The following CDH2 variants were observed in gnomAD, a reference collection of about 807,000 sequenced individuals.
CDH2 encodes cadherin-2.
Under a neutral mutation model 92.0 loss-of-function variants are expected in CDH2, and 17 were observed. The ratio of observed to expected loss-of-function variants is 0.18; its 90% CI spans 0.13 to 0.28. CDH2 has a LOEUF of 0.28. Ranked by LOEUF, CDH2 falls within the 10% of genes least tolerant of loss-of-function variation. CDH2 has a pLI of 1.00. For synonymous variants in CDH2, 419 were observed against 415.9 expected (o/e 1.01, Z -0.09); for missense variants, 862 against 1,133.1 (o/e 0.76, Z 3.44).
chr18:28,069,632 G>A (rs2144164217), intron 2 of CDH2, among the ~76,000 whole-genome samples: 2 of 152,166 alleles, frequency 1.3e-5, no homozygotes, highest in South Asian at 4.2e-4. Flanking sequence ...TATATTATCA[G>A]GATGCAGTCC....
At chr18:28,003,739 T>C (rs2012836290) in intron 6 of CDH2, among the ~76,000 whole-genome samples, 2 of 152,224 alleles carry the variant, frequency 1.3e-5, no homozygotes, top group Non-Finnish European at 2.9e-5. Flanking sequence ...TCGTGGTTCA[T>C]TATTTCCTCA....
chr18:28,042,846 C>T (rs911380448), intron 2 of CDH2, among the ~76,000 whole-genome samples: 1 of 152,026 alleles, frequency 6.6e-6, no homozygotes, highest in Non-Finnish European at 1.5e-5. Flanking sequence ...GGAAACTAGG[C>T]CTCATACAGG....
chr18:28,149,892 AAG>A (rs1205059753), intron 1 of CDH2, among the ~76,000 whole-genome samples: 21 of 152,338 alleles, frequency 1.4e-4, no homozygotes, highest in Admixed American at 1.3e-3. Context: ...CATAATGAAA[AAG>A]AGAAAATATC....
chr18:28,016,501 G>A (rs1403335292), intron 2 of CDH2, among the ~76,000 whole-genome samples: 1 of 152,150 alleles, frequency 6.6e-6, no homozygotes, highest in Non-Finnish European at 1.5e-5. Context: ...GTTGTTGGTA[G>A]TAGAAGAAAA....
At chr18:27,994,784 G>A (rs1327950253) in intron 7 of CDH2, among the ~76,000 whole-genome samples, 1 of 151,644 alleles carries the variant, frequency 6.6e-6, no homozygotes, top group Non-Finnish European at 1.5e-5. Context: ...CAGGGGGAGG[G>A]GCAAAGAAAA....
At chr18:27,984,742 A>G (rs144683240) in intron 13 of CDH2, among the ~76,000 whole-genome samples, 1 of 152,336 alleles carries the variant, frequency 6.6e-6, no homozygotes, top group African/African-American at 2.4e-5. Context: ...CTCCCTAAGC[A>G]ATAAGCATGA....
intron 2 of CDH2, among the ~76,000 whole-genome samples, chr18:28,081,909 T>C (rs2014838153): frequency 6.6e-6 from 1 of 152,190 alleles, no homozygotes; most frequent in African/African-American, 2.4e-5. Context: ...TTATATAACA[T>C]AAGCCGGCAA....
At chr18:28,040,969 A>C (rs2013936303) in intron 2 of CDH2, among the ~76,000 whole-genome samples, 1 of 152,204 alleles carries the variant, frequency 6.6e-6, no homozygotes, top group African/African-American at 2.4e-5. Context: ...TCATAAGGAG[A>C]TAAAGTACCA....
chr18:27,944,823 G>A (rs1192555474), intron 6 of CDH2, among the ~76,000 whole-genome samples: 2 of 151,228 alleles, frequency 1.3e-5, no homozygotes, highest in African/African-American at 4.9e-5. Context: ...TGAGGTATGA[G>A]GATGTCTTGA....
At chr18:28,095,856 A>T (rs1417550766) in intron 2 of CDH2, among the ~76,000 whole-genome samples, 1 of 151,792 alleles carries the variant, frequency 6.6e-6, no homozygotes, top group African/African-American at 2.4e-5. Context: ...CATACTAATG[A>T]CTAAGTTCCT....
intron 2 of CDH2, among the ~76,000 whole-genome samples, chr18:28,106,423 G>GAA (rs58554434): frequency 1.7e-5 from 2 of 119,446 alleles, no homozygotes; most frequent in African/African-American, 3.1e-5. Context: ...TTTCAAGAAA[G>GAA]AAAAAAAAAA....
chr18:28,006,421 A>T (rs192473113), intron 5 of CDH2, among the ~76,000 whole-genome samples: 1 of 152,256 alleles, frequency 6.6e-6, no homozygotes, highest in African/African-American at 2.4e-5. Context: ...TAAGGTAATT[A>T]AAAATGTGAA....
At chr18:28,123,520 G>C (rs2015626069) in intron 2 of CDH2, among the ~76,000 whole-genome samples, 1 of 152,114 alleles carries the variant, frequency 6.6e-6, no homozygotes, top group African/African-American at 2.4e-5. Flanking sequence ...ACTAGAGAGA[G>C]GATAGGTTTT....
chr18:28,066,783 A>T (rs2014516707), intron 2 of CDH2, among the ~76,000 whole-genome samples: 1 of 152,176 alleles, frequency 6.6e-6, no homozygotes, highest in Non-Finnish European at 1.5e-5. Flanking sequence ...AATCCACAAT[A>T]TGAGCACATT....
intron 2 of CDH2, among the ~76,000 whole-genome samples, chr18:28,099,759 G>C (rs2015196625): frequency 6.6e-6 from 1 of 152,144 alleles, no homozygotes; most frequent in South Asian, 2.1e-4. Flanking sequence ...TGATATTAGA[G>C]AAAGCAAATA....
intron 5 of CDH2, among the ~76,000 whole-genome samples, chr18:28,007,165 A>AAAAAAAAT (rs1172779200): frequency 1.0e-4 from 11 of 110,466 alleles, no homozygotes; most frequent in East Asian, 4.6e-4. Flanking sequence ...ATAAAAAAAA[A>AAAAAAAAT]ATATATATAT....
chr18:28,176,743 G>C (rs560434142), intron 1 of CDH2, among the ~76,000 whole-genome samples: 1 of 151,914 alleles, frequency 6.6e-6, no homozygotes, highest in South Asian at 2.1e-4. Flanking sequence ...GCCCCGCCAG[G>C]AAAGGCGCGA....
intron 15 of CDH2, among the ~76,000 whole-genome samples, chr18:27,953,573 A>C (rs188043290): frequency 6.6e-6 from 1 of 152,296 alleles, no homozygotes; most frequent in African/African-American, 2.4e-5. Context: ...TTATGAGCGC[A>C]TACATGGGTT....
intron 2 of CDH2, among the ~76,000 whole-genome samples, chr18:28,040,082 T>C (rs1270623550): frequency 6.6e-6 from 1 of 152,190 alleles, no homozygotes; most frequent in East Asian, 1.9e-4. Context: ...GACGAATGAA[T>C]AACTATTTGT....
Sources: allele counts gnomAD v4.1 joint callset (sites outside exome capture counted in the v4.1 genomes callset), GRCh38; gene constraint gnomAD v4.1.1; transcripts MANE v1.5; gene names NCBI Gene and HGNC (gene_info 2026-07-23, HGNC 2026-07-21).